Variants in CELF2 observed in about 807,000 individuals in gnomAD.
The protein encoded by CELF2 is CUG triplet repeat RNA-binding protein 2.
CELF2 carries 8 observed loss-of-function variants against 62.6 expected under a neutral mutation model. The observed-to-expected ratio is 0.13, with a 90% CI of 0.07 to 0.23. CELF2 has a LOEUF of 0.23. CELF2 is among the 10% of genes least tolerant of loss of function. The pLI, the probability that CELF2 is intolerant of heterozygous loss-of-function variation, is 1.00. For missense variants in CELF2, 333 were observed against 671.0 expected, an observed-to-expected ratio of 0.50 and a Z score of 5.56; for synonymous variants, 258 against 250.0, an observed-to-expected ratio of 1.03 and a Z score of -0.30.
At chr10:10,861,147 C>T (rs2060024907) in intron 1 of CELF2, among the ~76,000 whole-genome samples, 1 of 152,108 alleles carries the variant, frequency 6.6e-6, no homozygotes, top group Admixed American at 6.6e-5. Flanking sequence ...TGGAGTAGCA[C>T]AATCTCAGCT....
chr10:10,988,277 GTATA>G (rs547530670), intron 2 of CELF2, among the ~76,000 whole-genome samples: 24 of 148,178 alleles, frequency 1.6e-4, no homozygotes, highest in African/African-American at 5.0e-4. Context: ...ATGTGTGTGT[GTATA>G]TATATATATA....
the CELF2 span, among the ~76,000 whole-genome samples, chr10:10,658,030 G>T: frequency 3.3e-5 from 5 of 152,182 alleles, no homozygotes; most frequent in Non-Finnish European, 7.3e-5. Context: ...ATGCCACTAT[G>T]AAACAGAGAG....
the CELF2 span, among the ~76,000 whole-genome samples, chr10:10,508,455 A>G: frequency 6.6e-6 from 1 of 152,274 alleles, no homozygotes; most frequent in East Asian, 1.9e-4. Flanking sequence ...AACAACCTAC[A>G]TCAGAGAGCC....
At chr10:11,136,417 C>T (rs368349243) in intron 1 of CELF2, among the ~76,000 whole-genome samples, 2 of 152,064 alleles carry the variant, frequency 1.3e-5, no homozygotes, top group Admixed American at 6.5e-5. Context: ...GCCTGCCCAA[C>T]GTGGCGAAAC....
intron 1 of CELF2, among the ~76,000 whole-genome samples, chr10:11,092,854 C>T (rs936952446): frequency 2.6e-5 from 4 of 152,172 alleles, no homozygotes; most frequent in Non-Finnish European, 5.9e-5. Flanking sequence ...GACTGCTAAA[C>T]GAACACTCAG....
the CELF2 span, among the ~76,000 whole-genome samples, chr10:10,745,179 C>T: frequency 6.6e-6 from 1 of 151,756 alleles, no homozygotes; most frequent in African/African-American, 2.4e-5. Flanking sequence ...GAAAAGAGGC[C>T]TGTTTCATGG....
rs950269530 is a variant in CELF2, at chr10:11,205,303, G to A, written c.272-12122G>A. Among the ~76,000 whole-genome samples, 25 of 152,150 alleles carry A rather than the reference G, an allele frequency of 1.6e-4. 1 individual carries two copies. Among genetic ancestry groups the A allele is most frequent in the African/African-American group, 3.9e-4 (16 of 41,434 alleles). ...GCAGGCCTGTCGCGGCTGCATTTCC[G>A]TATTGCATTTGTTATAAAAGTGGAG... is the stretch of plus-strand genomic sequence containing the variant. On this transcript the variant is annotated intron_variant, in intron 2 of 12. Coordinates refer to ENST00000633077, the MANE Select transcript of CELF2 (RefSeq NM_001326342.2).
intron 9 of CELF2, among the ~76,000 whole-genome samples, chr10:11,295,850 A>G (rs1214245476): frequency 6.6e-6 from 1 of 152,136 alleles, no homozygotes; most frequent in Non-Finnish European, 1.5e-5. Flanking sequence ...CCTCCCACCC[A>G]GAGGGGTTTT....
At chr10:11,125,930 G>A (rs2058613646) in intron 1 of CELF2, among the ~76,000 whole-genome samples, 1 of 152,192 alleles carries the variant, frequency 6.6e-6, no homozygotes, top group Non-Finnish European at 1.5e-5. Context: ...TTCCACCAAT[G>A]TAAACAATTC....
chr10:10,909,804 TGTAA>T lies in CELF2; in HGVS notation c.54-10156_54-10153del, dbSNP rs145515551. ...TTACTTGTCATTATGTATTCATTTGTGTAAGTATTTGTGGCTGTGTCTTCTCCAG... is the reference window on the plus strand; with the variant it reads ...TTACTTGTCATTATGTATTCATTTGTGTATTTGTGGCTGTGTCTTCTCCAG... On this transcript the variant is annotated intron_variant, in intron 1 of 13. Coordinates refer to the CELF2 transcript ENST00000636488. Among the ~76,000 whole-genome samples, 6 of 152,352 alleles carry T rather than the reference TGTAA, an allele frequency of 3.9e-5. No homozygotes were observed. In the East Asian group the frequency reaches 9.6e-4, roughly 24 times the overall value.
At chr10:10,834,326 G>C (rs946884270) in intron 1 of CELF2, among the ~76,000 whole-genome samples, 1 of 152,182 alleles carries the variant, frequency 6.6e-6, no homozygotes, top group African/African-American at 2.4e-5. Flanking sequence ...GAGGTTGGGA[G>C]GAGGGAGAGG....
Position 11,079,220 on chromosome 10 carries a change from A to T in CELF2, c.74+61057A>T, listed in dbSNP as rs1327573393. Among the ~76,000 whole-genome samples, 11 of 152,288 alleles carry T rather than the reference A, an allele frequency of 7.2e-5. No homozygotes were observed. The East Asian group carries it at 1.9e-3, about 27-fold the overall frequency. On this transcript the variant is annotated intron_variant, in intron 1 of 12. Coordinates refer to ENST00000633077, the MANE Select transcript of CELF2 (RefSeq NM_001326342.2). Reference sequence around the variant, plus strand: ...TATCTCAAAAATGTATAAATTTCATACGTTTTTTGTACTTACCTGAACTAA... The same window carrying T: ...TATCTCAAAAATGTATAAATTTCATTCGTTTTTTGTACTTACCTGAACTAA...
chr10:10,683,762 T>C, the CELF2 span, among the ~76,000 whole-genome samples: 2 of 152,144 alleles, frequency 1.3e-5, no homozygotes, highest in Non-Finnish European at 2.9e-5. Flanking sequence ...AAACTTACGA[T>C]TTCATTGCTC....
chr10:11,053,639 G>C (rs1319220038), intron 1 of CELF2, among the ~76,000 whole-genome samples: 1 of 132,342 alleles, frequency 7.6e-6, no homozygotes, highest in Admixed American at 8.4e-5. Flanking sequence ...TTTTGAGACA[G>C]AGTCTTGCTC....
At chr10:11,033,449 G>C (rs1207034783) in intron 1 of CELF2, among the ~76,000 whole-genome samples, 1 of 152,028 alleles carries the variant, frequency 6.6e-6, no homozygotes, top group Non-Finnish European at 1.5e-5. Context: ...TAGAGTCAGG[G>C]TTTCTCTATG....
chr10:11,041,554 T>C (rs577046567), intron 1 of CELF2, among the ~76,000 whole-genome samples: 86 of 152,252 alleles, frequency 5.6e-4, no homozygotes, highest in Non-Finnish European at 1.1e-3. Context: ...AGTGCAGCTA[T>C]AGATGGTATC....
chr10:10,688,082 G>A, the CELF2 span, among the ~76,000 whole-genome samples: 212 of 152,280 alleles, frequency 1.4e-3, no homozygotes, highest in Middle Eastern at 0.01. Flanking sequence ...ACAATTCCCC[G>A]AGTTACAAGA....
chr10:10,924,811 A>G (rs1395212009), intron 2 of CELF2, among the ~76,000 whole-genome samples: 1 of 144,596 alleles, frequency 6.9e-6, no homozygotes, highest in Non-Finnish European at 1.5e-5. Context: ...TACCTAGAAC[A>G]CTGGCGTATA....
At chr10:10,894,502 G>T (rs1248989444) in intron 1 of CELF2, among the ~76,000 whole-genome samples, 1 of 152,206 alleles carries the variant, frequency 6.6e-6, no homozygotes, top group Non-Finnish European at 1.5e-5. Context: ...ATATGGCAAA[G>T]TTGAAAAGAT....
Sources: gnomAD v4.1 joint callset for allele counts (sites outside exome capture counted in the v4.1 genomes callset) on GRCh38, gnomAD v4.1.1 for gene constraint, MANE v1.5 for transcripts, NCBI Gene and HGNC (gene_info 2026-07-23, HGNC 2026-07-21) for gene names.